The following ROR2 variants were observed in gnomAD, a reference collection of about 807,000 sequenced individuals.
The protein encoded by ROR2 is tyrosine-protein kinase transmembrane receptor ROR2.
ROR2 carries 33 observed loss-of-function variants against 74.9 expected under a neutral mutation model. The ratio of observed to expected loss-of-function variants is 0.44; its 90% CI spans 0.33 to 0.59. The LOEUF is 0.59. Among genes scored for constraint, ROR2 ranks in the 20% least tolerant of loss-of-function variants. The pLI, the probability that ROR2 is intolerant of heterozygous loss-of-function variation, is 0.02. For synonymous variants in ROR2, 586 were observed against 558.7 expected (o/e 1.05, Z -0.69); for missense variants, 1,216 against 1,313.8 (o/e 0.93, Z 1.15).
At chr9:91,931,228 T>C (rs572841315) in intron 1 of ROR2, among the ~76,000 whole-genome samples, 1 of 152,218 alleles carries the variant, frequency 6.6e-6, no homozygotes, top group South Asian at 2.1e-4. Flanking sequence ...TCCAAACAAC[T>C]AGAAGATAGA....
At chr9:91,839,277 T>TGTAAGTACAGGC (rs1554681717) in intron 1 of ROR2, among the ~76,000 whole-genome samples, 10 of 145,246 alleles carry the variant, frequency 6.9e-5, no homozygotes, top group African/African-American at 2.7e-4. Flanking sequence ...TGTGTGTGTG[T>TGTAAGTACAGGC]GTGTGTGTGT....
chr9:91,930,502 C>T (rs1831522652), intron 1 of ROR2, among the ~76,000 whole-genome samples: 1 of 152,232 alleles, frequency 6.6e-6, no homozygotes, highest in Admixed American at 6.5e-5. Flanking sequence ...TGTGCTCTTG[C>T]AAGCGTGACA....
intron 1 of ROR2, among the ~76,000 whole-genome samples, chr9:91,901,466 C>G (rs1050619094): frequency 6.6e-6 from 1 of 152,154 alleles, no homozygotes; most frequent in Non-Finnish European, 1.5e-5. Flanking sequence ...AAAAGGCTCA[C>G]GTCATTTCAA....
At chr9:91,777,408 C>CA (rs768208358) in intron 1 of ROR2, among the ~76,000 whole-genome samples, 13,276 of 150,856 alleles carry the variant, frequency 0.088, 655 homozygotes, top group Middle Eastern at 0.15. Context: ...CACACACACA[C>CA]CCCATCATCA....
intron 1 of ROR2, among the ~76,000 whole-genome samples, chr9:91,821,967 T>C (rs966925749): frequency 1.3e-5 from 2 of 150,246 alleles, no homozygotes; most frequent in African/African-American, 4.9e-5. Context: ...AAAGGAAAGA[T>C]GGAAGGAAGA....
At chr9:91,834,010 G>C (rs1448046417) in intron 1 of ROR2, among the ~76,000 whole-genome samples, 4 of 152,190 alleles carry the variant, frequency 2.6e-5, no homozygotes, top group African/African-American at 9.7e-5. Context: ...CGTGGAGAGT[G>C]GGTAGGCCGT....
chr9:91,899,753 TCACA>T (rs753944821), intron 1 of ROR2, among the ~76,000 whole-genome samples: 11 of 151,762 alleles, frequency 7.2e-5, no homozygotes, highest in Admixed American at 2.0e-4. Context: ...ACATATACAC[TCACA>T]CACAAACGTG....
intron 1 of ROR2, among the ~76,000 whole-genome samples, chr9:91,874,675 C>T (rs1040288045): frequency 3.3e-5 from 5 of 152,196 alleles, no homozygotes; most frequent in East Asian, 1.9e-4. Flanking sequence ...TGGTGGCTCA[C>T]ACCTGCAATC....
At chr9:91,840,155 G>A (rs964871553) in intron 1 of ROR2, among the ~76,000 whole-genome samples, 2 of 152,238 alleles carry the variant, frequency 1.3e-5, no homozygotes, top group African/African-American at 4.8e-5. Context: ...GTCCTGGGAG[G>A]CACATTGGGA....
In ROR2 at chr9:91,862,783, C is replaced by G. The variant is rs530108597; in HGVS notation, c.98-86965G>C. ...ACCTTGATCTTGGATTCCCAGCATC[C>G]AGAACTGTGAGAAATACATTTCTGT... On this transcript the variant is annotated intron_variant, in intron 1 of 8. Coordinates refer to ENST00000375708, the MANE Select transcript of ROR2 (RefSeq NM_004560.4). Among the ~76,000 whole-genome samples, 5 of 152,222 alleles carry G rather than the reference C, an allele frequency of 3.3e-5. No individual in the cohort carries two copies. The South Asian group carries it at 8.3e-4, about 25-fold the overall frequency.
At chr9:91,818,994 A>G (rs1192782816) in intron 1 of ROR2, among the ~76,000 whole-genome samples, 1 of 152,120 alleles carries the variant, frequency 6.6e-6, no homozygotes, top group African/African-American at 2.4e-5. Context: ...CCATCCCAAG[A>G]AGAACCCACG....
intron 1 of ROR2, among the ~76,000 whole-genome samples, chr9:91,817,140 C>T (rs1381419042): frequency 6.6e-6 from 1 of 152,202 alleles, no homozygotes; most frequent in Non-Finnish European, 1.5e-5. Flanking sequence ...CCGTTTCAAA[C>T]ACAACCCCAG....
At chr9:91,911,933 C>CAAAAAAAAAAAAAAAAAAAAAA (rs747087662) in intron 1 of ROR2, among the ~76,000 whole-genome samples, 2 of 76,394 alleles carry the variant, frequency 2.6e-5, no homozygotes, top group African/African-American at 9.7e-5. Flanking sequence ...TGAGTCTAAG[C>CAAAAAAAAAAAAAAAAAAAAAA]AAAAAAAAAA....
intron 1 of ROR2, among the ~76,000 whole-genome samples, chr9:91,829,044 T>C (rs1828374911): frequency 6.6e-6 from 1 of 152,214 alleles, no homozygotes. Flanking sequence ...GGATAAACAC[T>C]AGCTGGGCAC....
chr9:91,862,231 G>A (rs1048906328), intron 1 of ROR2, among the ~76,000 whole-genome samples: 5 of 152,174 alleles, frequency 3.3e-5, no homozygotes, highest in African/African-American at 1.2e-4. Flanking sequence ...TCAGGAGGCT[G>A]AGGCAAGAGA....
At chr9:91,908,394 G>A (rs925959745) in intron 1 of ROR2, among the ~76,000 whole-genome samples, 1 of 152,198 alleles carries the variant, frequency 6.6e-6, no homozygotes, top group Non-Finnish European at 1.5e-5. Flanking sequence ...AAAACATAAC[G>A]TTTTAATGAC....
At chr9:91,817,984 G>A (rs927500311) in intron 1 of ROR2, among the ~76,000 whole-genome samples, 2 of 152,190 alleles carry the variant, frequency 1.3e-5, no homozygotes, top group African/African-American at 4.8e-5. Flanking sequence ...GGTCCGCAAT[G>A]CAACTTACGA....
intron 1 of ROR2, among the ~76,000 whole-genome samples, chr9:91,930,485 T>C (rs1198791808): frequency 6.6e-6 from 1 of 152,256 alleles, no homozygotes; most frequent in African/African-American, 2.4e-5. Flanking sequence ...TTCTCTCCTT[T>C]GTTCAGTGTG....
chr9:91,823,400 G>A (rs560699781), intron 1 of ROR2, among the ~76,000 whole-genome samples: 1 of 151,268 alleles, frequency 6.6e-6, no homozygotes, highest in Non-Finnish European at 1.5e-5. Flanking sequence ...CATGATCTCG[G>A]CCCACTGCAA....
Sources: allele counts gnomAD v4.1 joint callset (sites outside exome capture counted in the v4.1 genomes callset), GRCh38; gene constraint gnomAD v4.1.1; transcripts MANE v1.5; gene names NCBI Gene and HGNC (gene_info 2026-07-23, HGNC 2026-07-21).